Variants in DLGAP2 observed in about 807,000 individuals in gnomAD.
The protein encoded by DLGAP2 is DLG associated protein 2, also known as disks large-associated protein 2.
A neutral mutation model predicts 100.3 loss-of-function variants in DLGAP2; 26 were observed. That is an observed-to-expected ratio of 0.26 (90% CI 0.19 to 0.36). The LOEUF (loss-of-function observed/expected upper bound fraction) is 0.36. DLGAP2 is among the 10% of genes least tolerant of loss of function. The pLI is 1.00. For missense variants in DLGAP2, 1,858 were observed against 1,453.2 expected, an observed-to-expected ratio of 1.28 and a Z score of -4.53; for synonymous variants, 886 against 630.1, an observed-to-expected ratio of 1.41 and a Z score of -6.08.
In DLGAP2 at chr8:1,367,533, C is replaced by G. The variant is rs1411706822; in HGVS notation, c.106+108650C>G. 3.9e-5 allele frequency among the ~76,000 whole-genome samples: 6 copies of G among 152,282 alleles called. No individual in the cohort carries two copies. In the South Asian group the frequency reaches 1.0e-3, roughly 26 times the overall value. On this transcript the variant is annotated intron_variant, in intron 3 of 14. Transcript: ENST00000637795. ...AGTCCAGGCACACCCTGCTGGGGGC[C>G]GCAGAGGACAGTGGGATCGTTGTCA... is the stretch of plus-strand genomic sequence containing the variant.
intron 6 of DLGAP2, among the ~76,000 whole-genome samples, chr8:1,615,049 T>A (rs1012384974): frequency 6.6e-6 from 1 of 152,212 alleles, no homozygotes; most frequent in Non-Finnish European, 1.5e-5. Context: ...TGCAGTCTCC[T>A]TGGATGTGTC....
chr8:1,413,695 C>T lies in DLGAP2; in HGVS notation c.107-87671C>T, dbSNP rs375040301. Among the ~76,000 whole-genome samples, 9 of 152,172 alleles carry T rather than the reference C, an allele frequency of 5.9e-5. No individual in the cohort carries two copies. In the South Asian group the frequency reaches 1.4e-3, roughly 25 times the overall value. On this transcript the variant is annotated intron_variant, in intron 3 of 14. Coordinates refer to ENST00000637795, the MANE Select transcript of DLGAP2 (RefSeq NM_001346810.2). Reference sequence around the variant, plus strand: ...GTCACTCTTATCTTTGATAAATGGTCTTGAACTCAAAGGGCACCACCCAGT... The same window carrying T: ...GTCACTCTTATCTTTGATAAATGGTTTTGAACTCAAAGGGCACCACCCAGT...
chr8:1,222,344 G>A (rs1798331251), intron 2 of DLGAP2, among the ~76,000 whole-genome samples: 1 of 152,138 alleles, frequency 6.6e-6, no homozygotes, highest in South Asian at 2.1e-4. Context: ...AAGATTTCAA[G>A]GGATAAAGGC....
At chr8:1,418,300 A>T (rs924955654) in intron 3 of DLGAP2, among the ~76,000 whole-genome samples, 2 of 152,218 alleles carry the variant, frequency 1.3e-5, no homozygotes, top group East Asian at 3.8e-4. Context: ...TAAAAATTAA[A>T]CAGCTTCACT....
intron 3 of DLGAP2, among the ~76,000 whole-genome samples, chr8:1,316,758 G>A (rs147515986): frequency 7.4e-6 from 1 of 135,906 alleles, no homozygotes; most frequent in African/African-American, 2.8e-5. Context: ...AAAATAGAGC[G>A]TGTGCGAGTA....
intron 3 of DLGAP2, among the ~76,000 whole-genome samples, chr8:1,444,771 C>CTTTTTTTTT (rs914045708): frequency 1.5e-4 from 12 of 79,852 alleles, no homozygotes; most frequent in Non-Finnish European, 1.8e-4. Flanking sequence ...CCAGGTCATT[C>CTTTTTTTTT]TTTTTTTTTT....
At chr8:1,520,230 C>T (rs1052413178) in intron 4 of DLGAP2, among the ~76,000 whole-genome samples, 2 of 152,160 alleles carry the variant, frequency 1.3e-5, no homozygotes, top group Admixed American at 1.3e-4. Context: ...CAGCTGCAGG[C>T]CCCCACCCCG....
chr8:1,260,083 G>A (rs1585202077), intron 3 of DLGAP2, among the ~76,000 whole-genome samples: 1 of 152,140 alleles, frequency 6.6e-6, no homozygotes, highest in African/African-American at 2.4e-5. Flanking sequence ...CCCGGGTGGA[G>A]CCTGGGATGC....
intron 2 of DLGAP2, among the ~76,000 whole-genome samples, chr8:1,159,276 A>G (rs1201012792): frequency 6.6e-6 from 1 of 152,240 alleles, no homozygotes. Flanking sequence ...CTGTCTCAAG[A>G]GTCTCCTGTT....
chr8:1,010,833 G>A (rs1463553155), intron 2 of DLGAP2, among the ~76,000 whole-genome samples: 3 of 152,200 alleles, frequency 2.0e-5, no homozygotes, highest in Admixed American at 6.5e-5. Context: ...GGAGCATCAC[G>A]GGGCTCCTCT....
At chr8:1,068,769 C>T (rs191036418) in intron 2 of DLGAP2, among the ~76,000 whole-genome samples, 1 of 149,488 alleles carries the variant, frequency 6.7e-6, no homozygotes, top group Admixed American at 6.6e-5. Context: ...GTCATGGGCC[C>T]CTCCCCAAGT....
chr8:770,930 T>C (rs998533291), intron 1 of DLGAP2, among the ~76,000 whole-genome samples: 2 of 152,222 alleles, frequency 1.3e-5, no homozygotes, highest in Admixed American at 6.5e-5. Context: ...TTCACTTTTC[T>C]GTAGGGCAGG....
At chr8:997,708 A>G (rs1226612935) in intron 2 of DLGAP2, among the ~76,000 whole-genome samples, 1 of 152,262 alleles carries the variant, frequency 6.6e-6, no homozygotes, top group Non-Finnish European at 1.5e-5. Flanking sequence ...AGAATAAAGA[A>G]AGAGAAAATT....
intron 2 of DLGAP2, among the ~76,000 whole-genome samples, chr8:1,193,170 T>C (rs1482776131): frequency 6.6e-6 from 1 of 152,298 alleles, no homozygotes; most frequent in East Asian, 1.9e-4. Context: ...TGATTTATAA[T>C]CCTTTGGGTA....
Position 959,720 on chromosome 8 carries a change from T to C in DLGAP2, c.73+51754T>C, listed in dbSNP as rs574269060. On this transcript the variant is annotated intron_variant, in intron 2 of 14. Transcript: ENST00000637795. ...AGAGGTCTCTGTGAGAGATGCAAGG[T>C]CTGATTGGCTCAAGGGCAAATAGCT... Among the ~76,000 whole-genome samples the C allele has an allele frequency of 2.6e-5, 4 of 152,308 alleles. No individual in the cohort carries two copies. In the South Asian group the frequency reaches 8.3e-4, roughly 32 times the overall value.
intron 2 of DLGAP2, among the ~76,000 whole-genome samples, chr8:1,170,296 T>A (rs1797101798): frequency 6.6e-6 from 1 of 152,124 alleles, no homozygotes; most frequent in African/African-American, 2.4e-5. Flanking sequence ...AGTATTTTAT[T>A]GAGGATTTTT....
At chr8:1,489,342 G>C (rs1799312234) in intron 3 of DLGAP2, among the ~76,000 whole-genome samples, 1 of 152,204 alleles carries the variant, frequency 6.6e-6, no homozygotes, top group South Asian at 2.1e-4. Context: ...CCGGTGACTG[G>C]CGGAGTGGAT....
chr8:1,052,343 T>C (rs1802743460), intron 2 of DLGAP2, among the ~76,000 whole-genome samples: 2 of 152,336 alleles, frequency 1.3e-5, no homozygotes, highest in Admixed American at 6.5e-5. Flanking sequence ...ATGGGGTATT[T>C]AAAGCTCAGT....
chr8:1,068,413 C>A (rs148096044), intron 2 of DLGAP2, among the ~76,000 whole-genome samples: 22 of 152,342 alleles, frequency 1.4e-4, no homozygotes, highest in East Asian at 7.7e-4. Context: ...GTTCACCCCC[C>A]ACAGTGGATA....
Sources: allele counts gnomAD v4.1 joint callset (sites outside exome capture counted in the v4.1 genomes callset), GRCh38; gene constraint gnomAD v4.1.1; transcripts MANE v1.5; gene names NCBI Gene and HGNC (gene_info 2026-07-23, HGNC 2026-07-21).